Variants in MALRD1 observed in about 807,000 individuals in gnomAD.
MALRD1 encodes MAM and LDL-receptor class A domain-containing protein 1.
MALRD1 carries 247 observed loss-of-function variants against 242.1 expected under a neutral mutation model. That is an observed-to-expected ratio of 1.02 (90% confidence interval 0.92 to 1.13). The LOEUF is 1.13. MALRD1 is among the 50% of genes most tolerant of loss of function. MALRD1 has a pLI of 0.00. For synonymous variants in MALRD1, 995 were observed against 866.6 expected (o/e 1.15, Z -2.60); for missense variants, 2,989 against 2,533.1 (o/e 1.18, Z -3.86).
intron 5 of MALRD1, among the ~76,000 whole-genome samples, chr10:19,113,428 A>G: frequency 6.6e-6 from 1 of 151,640 alleles, no homozygotes; most frequent in East Asian, 1.9e-4. Context: ...GCCTCATTCC[A>G]TGACTTTTCT....
chr10:19,610,267 A>G (rs563105862), intron 35 of MALRD1, among the ~76,000 whole-genome samples: 2 of 151,996 alleles, frequency 1.3e-5, no homozygotes, highest in South Asian at 4.2e-4. Flanking sequence ...GTAATATACA[A>G]TATCTTAATA....
chr10:19,696,229 C>T (rs73595892), intron 38 of MALRD1, among the ~76,000 whole-genome samples: 4,828 of 152,234 alleles, frequency 0.032, 233 homozygotes, highest in African/African-American at 0.11. Flanking sequence ...TCTTTTCAAC[C>T]CATTACCCAT....
chr10:19,457,347 C>T (rs1000802526), intron 29 of MALRD1, among the ~76,000 whole-genome samples: 2 of 152,112 alleles, frequency 1.3e-5, no homozygotes, highest in Admixed American at 6.5e-5. Flanking sequence ...GAGACAGAAT[C>T]CTCATAAACT....
In MALRD1 at chr10:19,134,950, T is replaced by C. The variant is rs184764913; in HGVS notation, c.1203+1002T>C. On this transcript the variant is annotated intron_variant, in intron 9 of 39. Coordinates refer to ENST00000454679, the MANE Select transcript of MALRD1 (RefSeq NM_001142308.3). ...CATTTCTGCATTTCTGATCTCTTGC[T>C]GCTATGAAAATATACAGCTATACAT... Among the ~76,000 whole-genome samples the C allele has an allele frequency of 3.3e-3, 509 of 152,288 alleles. 3 individuals are homozygous for C. Among genetic ancestry groups the C allele is most frequent in the South Asian group, 9.9e-3 (48 of 4,828 alleles).
intron 14 of MALRD1, among the ~76,000 whole-genome samples, chr10:19,182,434 C>T (rs1835548287): frequency 6.8e-6 from 1 of 147,368 alleles, no homozygotes; most frequent in African/African-American, 2.5e-5. Flanking sequence ...ACGCCATTCT[C>T]CTGCCTCAGC....
At chr10:19,348,959 C>A (rs1045340443) in intron 25 of MALRD1, among the ~76,000 whole-genome samples, 1 of 152,118 alleles carries the variant, frequency 6.6e-6, no homozygotes, top group African/African-American at 2.4e-5. Context: ...CAGAAACTTT[C>A]TTCCCTTCCC....
chr10:19,198,492 C>A (rs984731622), intron 14 of MALRD1, among the ~76,000 whole-genome samples: 3 of 152,166 alleles, frequency 2.0e-5, no homozygotes, highest in Non-Finnish European at 2.9e-5. Flanking sequence ...TATCTTTATT[C>A]TACAGGATAA....
In MALRD1 at chr10:19,450,436, G is replaced by A; in HGVS notation, c.4975G>A (p.Asp1659Asn). Residue 1659 changes from aspartate (D) to asparagine (N), a missense_variant, in exon 29 of 40, where the codon GAC (aspartate) becomes AAC (asparagine). Coordinates refer to ENST00000454679, the MANE Select transcript of MALRD1 (RefSeq NM_001142308.3). Reference sequence around the variant, plus strand: ...CATATTTCAAGGTATCAGAACAAGGGACCTGGGAGGAGGAGCTGCAATTGA... The same window carrying A: ...CATATTTCAAGGTATCAGAACAAGGAACCTGGGAGGAGGAGCTGCAATTGA... ...EVIFQGIRTRDLGGGAAIDDI... is the reference protein window; with the variant it reads ...EVIFQGIRTRNLGGGAAIDDI... 6.4e-7 allele frequency: 1 copy of A among 1,550,570 alleles called. No homozygotes were observed.
chr10:19,643,107 A>T (rs1387066498), intron 36 of MALRD1, among the ~76,000 whole-genome samples: 1 of 152,032 alleles, frequency 6.6e-6, no homozygotes, highest in Non-Finnish European at 1.5e-5. Context: ...ATTAGTAGTA[A>T]TGTGGTAATT....
chr10:19,497,513 A>G (rs564186593), intron 30 of MALRD1, among the ~76,000 whole-genome samples: 1 of 152,114 alleles, frequency 6.6e-6, no homozygotes, highest in South Asian at 2.1e-4. Flanking sequence ...AGGGATCCAG[A>G]AAGTTTTGTG....
At chr10:19,485,957 C>G (rs1837219138) in intron 29 of MALRD1, among the ~76,000 whole-genome samples, 1 of 151,650 alleles carries the variant, frequency 6.6e-6, no homozygotes. Flanking sequence ...CTGTGAAAAT[C>G]AGACAAAATA....
chr10:19,097,356 A>G (rs1836079590), intron 4 of MALRD1, among the ~76,000 whole-genome samples: 1 of 152,090 alleles, frequency 6.6e-6, no homozygotes, highest in African/African-American at 2.4e-5. Flanking sequence ...AAAAAGCCCA[A>G]CCTCTAGTTT....
At chr10:19,169,623 T>C (rs1360289091) in intron 13 of MALRD1, among the ~76,000 whole-genome samples, 1 of 152,220 alleles carries the variant, frequency 6.6e-6, no homozygotes, top group Non-Finnish European at 1.5e-5. Context: ...ATGCTGGCTT[T>C]AACCTGATTT....
chr10:19,546,439 T>C (rs374858110), intron 32 of MALRD1, among the ~76,000 whole-genome samples: 37 of 152,328 alleles, frequency 2.4e-4, no homozygotes, highest in African/African-American at 8.7e-4. Flanking sequence ...AACTCCTGTG[T>C]CAGAGCTCCA....
chr10:19,654,631 T>C (rs1011986034), intron 36 of MALRD1, among the ~76,000 whole-genome samples: 3 of 152,180 alleles, frequency 2.0e-5, no homozygotes, highest in African/African-American at 7.2e-5. Context: ...TAACTTTCAG[T>C]TGAATCTAAA....
At chr10:19,217,939 C>T (rs1256254380) in intron 18 of MALRD1, among the ~76,000 whole-genome samples, 1 of 152,116 alleles carries the variant, frequency 6.6e-6, no homozygotes, top group Non-Finnish European at 1.5e-5. Flanking sequence ...AAGCTGCATG[C>T]TAAATGTTTG....
At chr10:19,363,798 C>G (rs1215770731) in intron 26 of MALRD1, among the ~76,000 whole-genome samples, 1 of 152,072 alleles carries the variant, frequency 6.6e-6, no homozygotes, top group Non-Finnish European at 1.5e-5. Context: ...CCCTGGCTTC[C>G]AAAGAATCAT....
intron 21 of MALRD1, among the ~76,000 whole-genome samples, 158 bp downstream of exon 21, chr10:19,283,339 T>C (rs565315208): frequency 2.0e-5 from 3 of 152,158 alleles, no homozygotes; most frequent in African/African-American, 7.2e-5. Flanking sequence ...ATGGAAAAAT[T>C]ATCAATTAAA....
In MALRD1 at chr10:19,313,052, G is replaced by A. The variant is rs34612484; in HGVS notation, c.3420-10897G>A. 1.1e-4 allele frequency among the ~76,000 whole-genome samples: 17 copies of A among 151,248 alleles called. No homozygotes were observed. In the Admixed American group the frequency reaches 1.1e-3, roughly 10 times the overall value. The stretch of plus-strand genomic sequence containing the variant: ...TCAGCAGGTGTAAGATAGGTCCCAA[G>A]AAATGGCATTTTAACAAGCAACATG... On this transcript the variant is annotated intron_variant, in intron 21 of 39. Coordinates refer to ENST00000454679, the MANE Select transcript of MALRD1 (RefSeq NM_001142308.3).
Sources: allele counts gnomAD v4.1 joint callset (sites outside exome capture counted in the v4.1 genomes callset), GRCh38; gene constraint gnomAD v4.1.1; transcripts MANE v1.5; gene names NCBI Gene and HGNC (gene_info 2026-07-23, HGNC 2026-07-21).